The following ENTHD1 variants were observed in gnomAD, a reference collection of about 807,000 sequenced individuals.
The protein encoded by ENTHD1 is ENTH domain containing 1.
ENTHD1 carries 23 observed loss-of-function variants against 39.1 expected under a neutral mutation model. That is an observed-to-expected ratio of 0.59 (90% CI 0.42 to 0.83). The LOEUF is 0.83. Ranked by LOEUF, ENTHD1 falls within the 40% of genes least tolerant of loss-of-function variation. ENTHD1 has a pLI of 0.00. For missense variants in ENTHD1, 624 were observed against 705.4 expected, an observed-to-expected ratio of 0.88 and a Z score of 1.31; for synonymous variants, 230 against 258.2, an observed-to-expected ratio of 0.89 and a Z score of 1.05.
At chr22:39,883,245 C>T (rs1408743232) in intron 2 of ENTHD1, among the ~76,000 whole-genome samples, 2 of 151,810 alleles carry the variant, frequency 1.3e-5, no homozygotes, top group African/African-American at 4.8e-5. Flanking sequence ...CATAAATCAT[C>T]AAGAGTACTC....
chr22:39,756,468 G>A (rs1259496563), intron 6 of ENTHD1, among the ~76,000 whole-genome samples: 1 of 152,024 alleles, frequency 6.6e-6, no homozygotes, highest in Non-Finnish European at 1.5e-5. Context: ...CTGAGTAGCT[G>A]GGATTACAGG....
chr22:39,891,681 C>T (rs1413669990), intron 1 of ENTHD1, among the ~76,000 whole-genome samples: 9 of 150,748 alleles, frequency 6.0e-5, no homozygotes, highest in African/African-American at 2.0e-4. Context: ...TGAAGTGGCA[C>T]GATCTTGGCT....
Position 39,744,292 on chromosome 22 carries a change from T to C in ENTHD1, c.1220-9A>G, listed in dbSNP as rs775390948. 10 of 1,565,884 alleles carry C rather than the reference T, an allele frequency of 6.4e-6. No homozygotes were observed. The highest frequency in any genetic ancestry group is 8.6e-6 in the Non-Finnish European group (10 of 1,161,350). On this transcript the variant is annotated splice_polypyrimidine_tract_variant and intron_variant, in intron 6 of 6. Coordinates refer to ENST00000325157, the MANE Select transcript of ENTHD1 (RefSeq NM_152512.4). ...CTCAGAAGCAGTTGAAACTAAAATG[T>C]GTAAATGAGAGAAAAAAGATTTATG... is the stretch of plus-strand genomic sequence containing the variant.
At chr22:39,756,049 C>A (rs940428368) in intron 6 of ENTHD1, among the ~76,000 whole-genome samples, 1 of 152,080 alleles carries the variant, frequency 6.6e-6, no homozygotes, top group South Asian at 2.1e-4. Context: ...TTTAAAGGGA[C>A]ATTCGATTTA....
intron 2 of ENTHD1, among the ~76,000 whole-genome samples, chr22:39,885,616 G>A (rs944685025): frequency 1.2e-4 from 18 of 152,196 alleles, no homozygotes; most frequent in African/African-American, 4.3e-4. Flanking sequence ...TTTTTAAAAT[G>A]TGTAATGTAC....
chr22:39,807,567 A>T (rs1385171977), intron 5 of ENTHD1, among the ~76,000 whole-genome samples: 1 of 151,750 alleles, frequency 6.6e-6, no homozygotes, highest in Non-Finnish European at 1.5e-5. Flanking sequence ...CATTCTCCCA[A>T]CTGGCCAAGT....
intron 6 of ENTHD1, among the ~76,000 whole-genome samples, chr22:39,751,696 A>AT (rs1288047123): frequency 3.3e-5 from 5 of 152,160 alleles, no homozygotes; most frequent in African/African-American, 1.2e-4. Context: ...ATAAAATTAA[A>AT]TTTTTTTCAT....
chr22:39,883,939 A>G (rs1413620799), intron 2 of ENTHD1, among the ~76,000 whole-genome samples: 1 of 151,954 alleles, frequency 6.6e-6, no homozygotes, highest in African/African-American at 2.4e-5. Flanking sequence ...TCAGAAATGC[A>G]AGAACTTCTG....
chr22:39,824,039 A>G (rs1207949763), intron 4 of ENTHD1, among the ~76,000 whole-genome samples: 1 of 152,098 alleles, frequency 6.6e-6, no homozygotes, highest in Non-Finnish European at 1.5e-5. Context: ...TGCTCCAGAT[A>G]TTAGTCCTTT....
chr22:39,855,589 TAAAA>T (rs111260316), intron 3 of ENTHD1, among the ~76,000 whole-genome samples: 1 of 136,366 alleles, frequency 7.3e-6, no homozygotes, highest in East Asian at 2.1e-4. Context: ...TGTGACTTGT[TAAAA>T]AAAAAAAAAA....
intron 5 of ENTHD1, among the ~76,000 whole-genome samples, chr22:39,809,135 T>C (rs527878942): frequency 1.3e-5 from 2 of 152,266 alleles, no homozygotes; most frequent in African/African-American, 2.4e-5. Context: ...ATGGAGGACA[T>C]TGTAAATGCA....
At chr22:39,800,611 T>C (rs1408213297) in intron 5 of ENTHD1, among the ~76,000 whole-genome samples, 1 of 152,198 alleles carries the variant, frequency 6.6e-6, no homozygotes, top group African/African-American at 2.4e-5. Flanking sequence ...GCTTGAGGCT[T>C]AGTTTTCTGA....
intron 5 of ENTHD1, 52 bp from the exon 6 acceptor site, chr22:39,765,661 C>T: frequency 6.9e-7 from 1 of 1,458,562 alleles, no homozygotes; most frequent in Non-Finnish European, 9.2e-7. Flanking sequence ...TGAAAATACT[C>T]TATTTCAAAT....
chr22:39,758,246 A>G (rs1484804746), intron 6 of ENTHD1, among the ~76,000 whole-genome samples: 1 of 152,076 alleles, frequency 6.6e-6, no homozygotes, highest in Non-Finnish European at 1.5e-5. Context: ...TCCAATACAT[A>G]TGCCTTTTAT....
intron 6 of ENTHD1, chr22:39,750,441 G>A (rs1192303118): frequency 3.2e-5 from 5 of 156,012 alleles, no homozygotes; most frequent in South Asian, 2.0e-4. Flanking sequence ...GGGATCCAGT[G>A]TCATCTGCTC....
At chr22:39,761,299 G>A (rs1048352210) in intron 6 of ENTHD1, among the ~76,000 whole-genome samples, 2 of 152,080 alleles carry the variant, frequency 1.3e-5, no homozygotes, top group Non-Finnish European at 2.9e-5. Context: ...GAAAAATCAG[G>A]TGTCATTCAT....
chr22:39,819,364 CAAAACA>C (rs897525478), intron 5 of ENTHD1, among the ~76,000 whole-genome samples: 59 of 115,332 alleles, frequency 5.1e-4, no homozygotes, highest in African/African-American at 2.0e-3. Context: ...GACTCTGTCT[CAAAACA>C]AAAACAAAAA....
chr22:39,821,327 T>A (rs550657030), intron 4 of ENTHD1, among the ~76,000 whole-genome samples: 1 of 152,308 alleles, frequency 6.6e-6, no homozygotes, highest in East Asian at 1.9e-4. Flanking sequence ...GAAGACACCG[T>A]CGGTAGATAG....
intron 1 of ENTHD1, among the ~76,000 whole-genome samples, chr22:39,890,290 T>C (rs2066416740): frequency 6.6e-6 from 1 of 152,004 alleles, no homozygotes; most frequent in African/African-American, 2.4e-5. Context: ...GTCATTTTTA[T>C]TTGGCACCTT....
Sources: allele counts gnomAD v4.1 joint callset (sites outside exome capture counted in the v4.1 genomes callset), GRCh38; gene constraint gnomAD v4.1.1; transcripts MANE v1.5; gene names NCBI Gene and HGNC (gene_info 2026-07-23, HGNC 2026-07-21).